The following PAIP2B variants were observed in gnomAD, a reference collection of about 807,000 sequenced individuals.
The protein encoded by PAIP2B is polyadenylate-binding protein-interacting protein 2B.
In PAIP2B, 13 loss-of-function variants were observed where a neutral mutation model predicts 17.0. The ratio of observed to expected loss-of-function variants is 0.76; its 90% CI spans 0.50 to 1.22. The LOEUF is 1.22. PAIP2B is among the 50% of genes most tolerant of loss of function. PAIP2B has a pLI of 0.00. For missense variants in PAIP2B, 117 were observed against 144.5 expected, an observed-to-expected ratio of 0.81 and a Z score of 0.98; for synonymous variants, 43 against 48.7, an observed-to-expected ratio of 0.88 and a Z score of 0.48.
chr2:71,226,117 A>G (rs1675716608), intron 1 of PAIP2B, among the ~76,000 whole-genome samples: 1 of 152,210 alleles, frequency 6.6e-6, no homozygotes, highest in Non-Finnish European at 1.5e-5. Flanking sequence ...AAAGAACTGC[A>G]TTAGGACAAA....
intron 2 of PAIP2B, among the ~76,000 whole-genome samples, chr2:71,198,789 A>T (rs572839555): frequency 6.6e-6 from 1 of 152,296 alleles, no homozygotes; most frequent in African/African-American, 2.4e-5. Context: ...TTCTGCTGTT[A>T]ATACTTGTGA....
chr2:71,226,479 G>C (rs1675730899), intron 1 of PAIP2B, among the ~76,000 whole-genome samples: 1 of 152,212 alleles, frequency 6.6e-6, no homozygotes, highest in Non-Finnish European at 1.5e-5. Flanking sequence ...CCGCGAATAG[G>C]GGAAGGGCAC....
chr2:71,215,293 G>A (rs1398619361), intron 1 of PAIP2B, among the ~76,000 whole-genome samples: 1 of 151,118 alleles, frequency 6.6e-6, no homozygotes, highest in Non-Finnish European at 1.5e-5. Context: ...GCGAGACTTC[G>A]TCTCAAAAAA....
chr2:71,208,378 G>A (rs375389284), intron 1 of PAIP2B, among the ~76,000 whole-genome samples: 17 of 151,848 alleles, frequency 1.1e-4, no homozygotes, highest in South Asian at 4.2e-4. Flanking sequence ...AGCTGAGATC[G>A]CGCCATCGCA....
chr2:71,221,244 T>G (rs1030347088), intron 1 of PAIP2B, among the ~76,000 whole-genome samples: 1 of 152,246 alleles, frequency 6.6e-6, no homozygotes, highest in African/African-American at 2.4e-5. Context: ...TTTTTATTTG[T>G]TCTTTGTATT....
At position 71,183,326 on chromosome 2, in the gene PAIP2B, A is replaced by G. The variant is rs1433726044; in HGVS notation, c.*5153T>C. 2 of 30,732 alleles carry G rather than the reference A, an allele frequency of 6.5e-5. No individual in the cohort carries two copies. Among genetic ancestry groups the G allele is most frequent in the Admixed American group, 3.9e-4 (1 of 2,578 alleles). The allele number at this position is 30,732 out of a possible 1,614,324, so 1.9% of individuals were successfully genotyped here. On this transcript the variant is annotated 3_prime_UTR_variant, in exon 4 of 4. Transcript: ENST00000244221. ...ACACATGCTCATACTTATTAAATGG[A>G]TTTATTGGATGCTTCAAAAGTCCTG...
At chr2:71,217,637 G>C (rs1675461469) in intron 1 of PAIP2B, among the ~76,000 whole-genome samples, 3 of 152,206 alleles carry the variant, frequency 2.0e-5, no homozygotes, top group African/African-American at 7.2e-5. Flanking sequence ...TACCTGCAAA[G>C]ATGCAGAACT....
intron 1 of PAIP2B, among the ~76,000 whole-genome samples, chr2:71,218,048 C>T (rs1397831121): frequency 1.3e-5 from 2 of 152,092 alleles, no homozygotes; most frequent in Admixed American, 6.5e-5. Flanking sequence ...GCCTGGGTGA[C>T]AGACCAAGAC....
chr2:71,202,531 C>T lies in PAIP2B; in HGVS notation c.59G>A (p.Gly20Glu), dbSNP rs747007531. Reference sequence around the variant, plus strand: ...TTCCTTTTCATCGTGCCCACTTAACCCCTGGTCCTCTTTGGATTTTACACT... The same window carrying T: ...TTCCTTTTCATCGTGCCCACTTAACTCCTGGTCCTCTTTGGATTTTACACT... ...SPSVKSKEDQ[G>E]LSGHDEKENP... Residue 20 changes from glycine (G) to glutamate (E), a missense_variant, in exon 2 of 4, where the codon GGG becomes GAG. Coordinates refer to ENST00000244221, the MANE Select transcript of PAIP2B (RefSeq NM_020459.1). The T allele has an allele frequency of 7.4e-6, 12 of 1,613,770 alleles. No individual in the cohort carries two copies. Among genetic ancestry groups the T allele is most frequent in the Non-Finnish European group, 1.0e-5 (12 of 1,179,752 alleles).
At position 71,185,901 on chromosome 2, in the gene PAIP2B, G is replaced by A. The variant is rs1401618077; in HGVS notation, c.*2578C>T. On this transcript the variant is annotated 3_prime_UTR_variant, in exon 4 of 4. Transcript: ENST00000244221. ...TGAATAAATAATCCCAATAATTACAGATCAATCACTAATAAACTAACATTG... is the reference window on the plus strand; with the variant it reads ...TGAATAAATAATCCCAATAATTACAAATCAATCACTAATAAACTAACATTG... 1 of 152,076 alleles carries A rather than the reference G, an allele frequency of 6.6e-6. No individual in the cohort carries two copies. The highest frequency in any genetic ancestry group is 1.5e-5 in the Non-Finnish European group (1 of 68,034). The allele number at this position is 152,076 out of a possible 1,614,324, so 9.4% of individuals were successfully genotyped here. A position where few individuals can be genotyped will look rare whatever the true frequency, so the allele number is the denominator to read the frequency against.
At chr2:71,189,336 A>G (rs1263251508) in intron 3 of PAIP2B, among the ~76,000 whole-genome samples, 3 of 152,222 alleles carry the variant, frequency 2.0e-5, no homozygotes, top group Non-Finnish European at 4.4e-5. Context: ...CTGATGTTAC[A>G]TAAATATGAA....
rs1166703299 is a variant in PAIP2B at position 71,186,108 on chromosome 2, GTTC to G, written c.*2368_*2370del. 2 of 152,166 alleles carry G rather than the reference GTTC, an allele frequency of 1.3e-5. No homozygotes were observed. Among genetic ancestry groups the G allele is most frequent in the African/African-American group, 2.4e-5 (1 of 41,444 alleles). 9.4% of individuals were successfully genotyped at this position (152,166 alleles called of 1,614,324 possible). On this transcript the variant is annotated 3_prime_UTR_variant, in exon 4 of 4. Coordinates refer to ENST00000244221, the MANE Select transcript of PAIP2B (RefSeq NM_020459.1). ...TAAAGGTGTCCAGTCTGGCTTGCTG[GTTC>G]TTCTTCTGTGAGAAAAGTCACTGAC... is the stretch of plus-strand genomic sequence containing the variant.
intron 2 of PAIP2B, among the ~76,000 whole-genome samples, chr2:71,195,066 C>T (rs574863877): frequency 1.1e-4 from 17 of 152,254 alleles, no homozygotes; most frequent in African/African-American, 2.2e-4. Flanking sequence ...CCTGGCATCC[C>T]GGGGATGAAG....
chr2:71,220,693 G>A lies in PAIP2B; in HGVS notation c.-12+6235C>T, dbSNP rs59571981. 4.5e-3 allele frequency among the ~76,000 whole-genome samples: 685 copies of A among 152,220 alleles called. 3 individuals carry two copies. The highest frequency in any genetic ancestry group is 0.016 in the African/African-American group (651 of 41,520). On this transcript the variant is annotated intron_variant, in intron 1 of 3. Transcript: ENST00000244221. The stretch of plus-strand genomic sequence containing the variant: ...TTTTCAAATATAGAGACAGGGTCTT[G>A]CTCTGTTGACCAGGCTGGTCTTGAA...
In PAIP2B at chr2:71,223,050, G is replaced by C. The variant is rs1675630733; in HGVS notation, c.-12+3878C>G. On this transcript the variant is annotated intron_variant, in intron 1 of 3. Coordinates refer to ENST00000244221, the MANE Select transcript of PAIP2B (RefSeq NM_020459.1). Reference sequence around the variant, plus strand: ...AGAGCTCCTGACTTAGCTCTTATCTGTCTTTCTTAGGCAAATATAAAATCC... The same window carrying C: ...AGAGCTCCTGACTTAGCTCTTATCTCTCTTTCTTAGGCAAATATAAAATCC... Among the ~76,000 whole-genome samples, 7 of 152,304 alleles carry C rather than the reference G, an allele frequency of 4.6e-5. 1 individual carries two copies. In the South Asian group the frequency reaches 1.4e-3, roughly 32 times the overall value.
chr2:71,222,342 G>C (rs550100983), intron 1 of PAIP2B, among the ~76,000 whole-genome samples: 1 of 152,264 alleles, frequency 6.6e-6, no homozygotes, highest in Non-Finnish European at 1.5e-5. Context: ...AGCTGAGGAC[G>C]GCATATAGGC....
At chr2:71,225,316 A>G (rs1675691532) in intron 1 of PAIP2B, among the ~76,000 whole-genome samples, 1 of 152,242 alleles carries the variant, frequency 6.6e-6, no homozygotes, top group Admixed American at 6.5e-5. Context: ...CAATTTTACC[A>G]CAGTAAAATA....
intron 1 of PAIP2B, among the ~76,000 whole-genome samples, chr2:71,207,789 G>C (rs1423945089): frequency 1.3e-5 from 2 of 152,192 alleles, no homozygotes; most frequent in Non-Finnish European, 2.9e-5. Context: ...ACAAGCAACT[G>C]GGTGGATTGG....
Position 71,185,192 on chromosome 2 carries a change from A to G in PAIP2B, c.*3287T>C, listed in dbSNP as rs2096629891. The G allele has an allele frequency of 6.6e-6, 1 of 152,202 alleles. No homozygotes were observed. The highest frequency in any genetic ancestry group is 6.5e-5 in the Admixed American group (1 of 15,276). 9.4% of individuals were successfully genotyped at this position (152,202 alleles called of 1,614,324 possible). ...TCCCAGCTTCTCCAAAATCAAAGCAATAGTAATAAACAATTTGGAAAATGT... is the reference window on the plus strand; with the variant it reads ...TCCCAGCTTCTCCAAAATCAAAGCAGTAGTAATAAACAATTTGGAAAATGT... On this transcript the variant is annotated 3_prime_UTR_variant, in exon 4 of 4. Transcript: ENST00000244221.
Sources: gnomAD v4.1 joint callset for allele counts (sites outside exome capture counted in the v4.1 genomes callset) on GRCh38, gnomAD v4.1.1 for gene constraint, MANE v1.5 for transcripts, NCBI Gene and HGNC (gene_info 2026-07-23, HGNC 2026-07-21) for gene names.